The following SMC1B variants were observed in gnomAD, a reference collection of about 807,000 sequenced individuals.
SMC1B encodes the protein structural maintenance of chromosomes protein 1B.
Under a neutral mutation model 157.9 loss-of-function variants are expected in SMC1B, and 60 were observed. The observed-to-expected ratio is 0.38, with a 90% confidence interval of 0.31 to 0.47. The LOEUF (loss-of-function observed/expected upper bound fraction) is 0.47, where lower values mean the gene tolerates loss of function less well. Ranked by LOEUF, SMC1B falls within the 20% of genes least tolerant of loss-of-function variation. The probability of loss-of-function intolerance (pLI) is 0.99; values close to 1 mark genes in which losing one functional copy is unlikely to be tolerated. For missense variants in SMC1B, 1,165 were observed against 1,426.2 expected (o/e 0.82, Z 2.95); for synonymous variants, 445 against 483.0 (o/e 0.92, Z 1.03).
chr22:45,394,675 C>G lies in SMC1B; in HGVS notation c.1337+10G>C. On this transcript the variant is annotated intron_variant, in intron 8 of 24. Transcript: ENST00000357450. Reference sequence around the variant, plus strand: ...AAATTGCTGCAAGAAATTTTTTTTACTCTACCTACATGCATGTCTTTGTAT... The same window carrying G: ...AAATTGCTGCAAGAAATTTTTTTTAGTCTACCTACATGCATGTCTTTGTAT... The G allele has an allele frequency of 1.3e-6, 2 of 1,515,312 alleles. No homozygotes were observed. Among genetic ancestry groups the G allele is most frequent in the Non-Finnish European group, 1.8e-6 (2 of 1,130,710 alleles). The allele number at this position is 1,515,312 out of a possible 1,614,324, so 93.9% of individuals were successfully genotyped here. A position where few individuals can be genotyped will look rare whatever the true frequency, so the allele number is the denominator to read the frequency against.
At chr22:45,373,559 C>G (rs1427209676) in intron 12 of SMC1B, among the ~76,000 whole-genome samples, 9 of 152,168 alleles carry the variant, frequency 5.9e-5, no homozygotes, top group African/African-American at 1.9e-4. Flanking sequence ...TTTAGGCAGT[C>G]TAGTCCACAG....
intron 21 of SMC1B, among the ~76,000 whole-genome samples, chr22:45,353,261 CAA>C (rs11311805): frequency 2.1e-3 from 213 of 102,566 alleles, no homozygotes; most frequent in Admixed American, 4.5e-3. Flanking sequence ...AACTCTGTCT[CAA>C]AAAAAAAAAA....
At position 45,372,155 on chromosome 22, in the gene SMC1B, C is replaced by T; in HGVS notation, c.2196G>A (p.Gln732=). 1 of 1,599,376 alleles carries T rather than the reference C, an allele frequency of 6.3e-7. No homozygotes were observed. Among genetic ancestry groups the T allele is most frequent in the Non-Finnish European group, 8.5e-7 (1 of 1,175,140 alleles). ...IKKKHLVAFY[Q]EQSQLQSELL... is the part of the protein sequence containing the mutation. Reference sequence around the variant, plus strand: ...CATATTTTATGTAAGTCTATATTACCTGGTAAAAAGCAACAAGGTGCTTCT... The same window carrying T: ...CATATTTTATGTAAGTCTATATTACTTGGTAAAAAGCAACAAGGTGCTTCT... Residue 732 remains glutamine (Q), a splice_region_variant and synonymous_variant, in exon 13 of 25, where the codon CAG becomes CAA. Transcript: ENST00000357450.
Position 45,352,560 on chromosome 22 carries a change from C to T in SMC1B, c.3316G>A (p.Gly1106Arg). The T allele has an allele frequency of 6.2e-7, 1 of 1,613,332 alleles. No homozygotes were observed. The highest frequency in any genetic ancestry group is 8.5e-7 in the Non-Finnish European group (1 of 1,179,450). ...PENPEEPYLE[G>R]ISYNCVAPGK... The stretch of plus-strand genomic sequence containing the variant: ...GGGGCCACACAGTTATAGCTAATTC[C>T]CTCCAAGTAAGGTTCTTCAGGGTTC... The change falls in exon 22 of 25, where the codon GGA (glycine) becomes AGA (arginine). Residue 1106 changes from glycine (G) to arginine (R), a missense_variant. Physicochemically the swap from Gly to Arg is moderately radical, Grantham distance 125. Coordinates refer to ENST00000357450, the MANE Select transcript of SMC1B (RefSeq NM_148674.5).
chr22:45,360,106 G>C lies in SMC1B; in HGVS notation c.2709-148C>G, dbSNP rs374035924. 625 of 624,926 alleles carry C rather than the reference G, an allele frequency of 1.0e-3. 5 individuals carry two copies. The South Asian group carries it at 0.013, about 13-fold the overall frequency. 38.7% of individuals were successfully genotyped at this position (624,926 alleles called of 1,614,324 possible). A position where few individuals can be genotyped will look rare whatever the true frequency, so the allele number is the denominator to read the frequency against. On this transcript the variant is annotated intron_variant, in intron 17 of 24. Transcript: ENST00000357450. ...TTCTAGAATCCTCTCATTGATGCTT[G>C]TAATTTAATTGTTAACACTCCTGAG...
chr22:45,367,425 G>A (rs1218936688), intron 15 of SMC1B, among the ~76,000 whole-genome samples: 1 of 152,142 alleles, frequency 6.6e-6, no homozygotes, highest in African/African-American at 2.4e-5. Flanking sequence ...GGGATATCCT[G>A]ACAATTTGGG....
rs759240504 is a variant in SMC1B at position 45,413,598 on chromosome 22, T to A, written c.-31A>T. ...CGCCCTCCACGCCTCACCCGCGTTA[T>A]CAAGCGCCCGCGGAAAAAGCGCGGG... On this transcript the variant is annotated 5_prime_UTR_variant, in exon 1 of 25. Transcript: ENST00000357450. The A allele has an allele frequency of 2.6e-6, 4 of 1,564,494 alleles. No homozygotes were observed. The African/African-American group carries it at 5.4e-5, about 21-fold the overall frequency.
chr22:45,355,757 T>A (rs2086663902), intron 19 of SMC1B, among the ~76,000 whole-genome samples: 1 of 152,144 alleles, frequency 6.6e-6, no homozygotes, highest in Non-Finnish European at 1.5e-5. Context: ...AAGCTTTTTT[T>A]GCCACAAATA....
intron 7 of SMC1B, among the ~76,000 whole-genome samples, chr22:45,395,510 A>G (rs182372814): frequency 6.5e-4 from 99 of 152,308 alleles, no homozygotes; most frequent in African/African-American, 2.3e-3. Flanking sequence ...AGTCCAGTAG[A>G]GAGGTACCAA....
intron 10 of SMC1B, among the ~76,000 whole-genome samples, chr22:45,388,748 A>G (rs136595): frequency 0.62 from 94,293 of 151,764 alleles, 31,779 homozygotes; most frequent in African/African-American, 0.89. Context: ...AGACCGAGGC[A>G]GGCGGATCAC....
In SMC1B at chr22:45,406,833, G is replaced by C; in HGVS notation, c.331C>G (p.Leu111Val). Residue 111 changes from leucine (L) to valine (V), a missense_variant, in exon 3 of 25, where the codon CTT becomes GTT. Leu to Val is a conservative substitution (Grantham distance 32, BLOSUM62 1). Coordinates refer to ENST00000357450, the MANE Select transcript of SMC1B (RefSeq NM_148674.5). The stretch of plus-strand genomic sequence containing the variant: ...GCAATGTAAACAGAACGACTCACAA[G>C]ATTATCATTAAAGCGAAATTCTGAG... ...GCSEFRFNDN[L>V]VSRSVYIAEL... is the part of the protein sequence containing the mutation. The C allele has an allele frequency of 6.4e-7, 1 of 1,574,354 alleles. No individual in the cohort carries two copies. The highest frequency in any genetic ancestry group is 8.6e-7 in the Non-Finnish European group (1 of 1,168,076).
At chr22:45,345,419 G>C in intron 24 of SMC1B, 40 bp downstream of exon 24, 2 of 1,280,624 alleles carry the variant, frequency 1.6e-6, no homozygotes, top group South Asian at 2.5e-5. Flanking sequence ...AAGGGAAGTT[G>C]GCATTGGGTA....
intron 1 of SMC1B, among the ~76,000 whole-genome samples, chr22:45,413,171 G>A (rs550899746): frequency 2.0e-5 from 3 of 152,096 alleles, no homozygotes; most frequent in South Asian, 4.2e-4. Flanking sequence ...GAGGGCGAGA[G>A]CGGGGCCCGA....
chr22:45,391,942 C>T (rs565775024), intron 9 of SMC1B, among the ~76,000 whole-genome samples: 1 of 152,098 alleles, frequency 6.6e-6, no homozygotes, highest in East Asian at 1.9e-4. Flanking sequence ...TCACATTCCC[C>T]AATTCACCAG....
chr22:45,377,827 C>T (rs970781869), intron 12 of SMC1B, among the ~76,000 whole-genome samples: 11 of 151,630 alleles, frequency 7.3e-5, no homozygotes, highest in African/African-American at 2.2e-4. Flanking sequence ...AAAGCCACCA[C>T]GCCTGGCCAG....
intron 15 of SMC1B, among the ~76,000 whole-genome samples, chr22:45,365,658 T>C (rs1265588977): frequency 6.6e-6 from 1 of 152,148 alleles, no homozygotes; most frequent in Non-Finnish European, 1.5e-5. Flanking sequence ...TGAGCCAAGA[T>C]TGTGCCACTG....
chr22:45,361,895 G>A lies in SMC1B; in HGVS notation c.2652C>T (p.Ala884=), dbSNP rs372479087. The A allele has an allele frequency of 6.8e-6, 11 of 1,613,972 alleles. No individual in the cohort carries two copies. Among genetic ancestry groups the A allele is most frequent in the Middle Eastern group, 1.6e-4 (1 of 6,062 alleles). The change falls in exon 17 of 25, where the codon GCC becomes GCT. Residue 884 remains alanine (A), a synonymous_variant. Transcript: ENST00000357450. The part of the protein sequence containing the change: ...KDIRVTQNSS[A]EKVQTQIEEE... ...CTTCAATTTGAGTTTGAACTTTCTC[G>A]GCACTGGAGTTCTGAGTGACACGTA...
chr22:45,372,059 A>C, intron 13 of SMC1B, 96 bp downstream of exon 13: 2 of 1,098,680 alleles, frequency 1.8e-6, no homozygotes, highest in Non-Finnish European at 2.5e-6. Flanking sequence ...AAAAAAAAAA[A>C]GTATCTGAAA....
intron 11 of SMC1B, among the ~76,000 whole-genome samples, chr22:45,384,185 T>C (rs1486121202): frequency 2.6e-5 from 4 of 152,198 alleles, no homozygotes; most frequent in Non-Finnish European, 4.4e-5. Flanking sequence ...TTTCCTCTTA[T>C]GAAAACAAGT....
Sources: gnomAD v4.1 joint callset for allele counts (sites outside exome capture counted in the v4.1 genomes callset) on GRCh38, gnomAD v4.1.1 for gene constraint, MANE v1.5 for transcripts, NCBI Gene and HGNC (gene_info 2026-07-23, HGNC 2026-07-21) for gene names.